Variants in ANKMY1 observed in about 807,000 individuals in gnomAD.
The protein encoded by ANKMY1 is ankyrin repeat and MYND domain containing 1.
ANKMY1 carries 98 observed loss-of-function variants against 102.0 expected under a neutral mutation model. The observed-to-expected ratio is 0.96, with a 90% CI of 0.82 to 1.14. The LOEUF is 1.14. Ranked by LOEUF, ANKMY1 falls within the 50% of genes most tolerant of loss-of-function variation. ANKMY1 has a pLI of 0.00. For synonymous variants in ANKMY1, 582 were observed against 559.9 expected, an observed-to-expected ratio of 1.04 and a Z score of -0.56; for missense variants, 1,330 against 1,347.6, an observed-to-expected ratio of 0.99 and a Z score of 0.20.
chr2:240,537,336 T>C (rs1239569170), intron 4 of ANKMY1, among the ~76,000 whole-genome samples: 1 of 152,236 alleles, frequency 6.6e-6, no homozygotes, highest in East Asian at 1.9e-4. Context: ...GTTCGTAGGA[T>C]TTCCGATACA....
intron 2 of ANKMY1, among the ~76,000 whole-genome samples, chr2:240,555,922 C>G (rs1257542948): frequency 6.6e-6 from 1 of 152,214 alleles, no homozygotes; most frequent in African/African-American, 2.4e-5. Flanking sequence ...GAGACCCCCA[C>G]AGATGGATGG....
At chr2:240,526,476 G>A in intron 5 of ANKMY1, 31 bp from the exon 6 acceptor site, 1 of 1,613,386 alleles carries the variant, frequency 6.2e-7, no homozygotes, top group Non-Finnish European at 8.5e-7. Context: ...AGTGGTCCTA[G>A]ACCAGGTTCT....
intron 15 of ANKMY1, among the ~76,000 whole-genome samples, chr2:240,484,785 T>A (rs1403570202): frequency 6.6e-6 from 1 of 151,884 alleles, no homozygotes; most frequent in African/African-American, 2.4e-5. Context: ...TGGGAGAAAA[T>A]TTTTGCAGTC....
chr2:240,537,971 G>A (rs531623828), intron 4 of ANKMY1, among the ~76,000 whole-genome samples: 1 of 152,330 alleles, frequency 6.6e-6, no homozygotes, highest in South Asian at 2.1e-4. Flanking sequence ...TCCATACATT[G>A]TCTTCCACCA....
the ANKMY1 span, among the ~76,000 whole-genome samples, chr2:240,471,675 C>G: frequency 2.1e-3 from 327 of 152,280 alleles, no homozygotes; most frequent in African/African-American, 7.7e-3. Flanking sequence ...CCACCCATTG[C>G]AACAAGAATT....
At chr2:240,502,728 C>T (rs1343978704) in intron 13 of ANKMY1, among the ~76,000 whole-genome samples, 10 of 152,128 alleles carry the variant, frequency 6.6e-5, no homozygotes, top group East Asian at 1.9e-4. Flanking sequence ...CACTCACCAA[C>T]GCTCTCCTCC....
At chr2:240,558,645 A>C (rs2092674096), upstream of ANKMY1, 1 of 152,234 alleles carries the variant, frequency 6.6e-6, no homozygotes, top group Admixed American at 6.5e-5. Flanking sequence ...AGGCTCTTGG[A>C]GGTGCAGGGC....
chr2:240,516,539 T>G (rs2081251641), intron 9 of ANKMY1, among the ~76,000 whole-genome samples: 1 of 152,266 alleles, frequency 6.6e-6, no homozygotes, highest in South Asian at 2.1e-4. Flanking sequence ...TCCTAATTAT[T>G]GTTAAGTTGT....
chr2:240,476,916 G>A (rs1023233432), downstream of ANKMY1, among the ~76,000 whole-genome samples: 2 of 152,168 alleles, frequency 1.3e-5, no homozygotes, highest in Non-Finnish European at 2.9e-5. Flanking sequence ...AAACTTCCAC[G>A]TGCAAACTGC....
intron 4 of ANKMY1, among the ~76,000 whole-genome samples, chr2:240,543,703 T>C (rs1345097989): frequency 2.0e-5 from 3 of 152,104 alleles, no homozygotes; most frequent in Non-Finnish European, 4.4e-5. Context: ...ATAAATAATC[T>C]AGATAAACTG....
chr2:240,524,074 C>T lies in ANKMY1; in HGVS notation c.1643G>A (p.Gly548Asp). 6.2e-7 allele frequency: 1 copy of T among 1,614,060 alleles called. No individual in the cohort carries two copies. Among genetic ancestry groups the T allele is most frequent in the Non-Finnish European group, 8.5e-7 (1 of 1,180,050 alleles). ...LEDVLGNTDRGSLCSAETKFE... is the reference protein window; with the variant it reads ...LEDVLGNTDRDSLCSAETKFE... Reference sequence around the variant, plus strand: ...TTTCGTCTCAGCACTGCACAGACTGCCCCGGTCTGTGTTTCCCAACACGTC... The same window carrying T: ...TTTCGTCTCAGCACTGCACAGACTGTCCCGGTCTGTGTTTCCCAACACGTC... Residue 548 changes from glycine (G) to aspartate (D), a missense_variant, in exon 8 of 18, where the codon GGC (glycine) becomes GAC (aspartate). Physicochemically the swap from Gly to Asp is moderately conservative, Grantham distance 94 (BLOSUM62 -1). Transcript: ENST00000401804.
At chr2:240,485,760 T>A (rs995571392) in intron 15 of ANKMY1, among the ~76,000 whole-genome samples, 3 of 151,964 alleles carry the variant, frequency 2.0e-5, no homozygotes, top group Non-Finnish European at 2.9e-5. Flanking sequence ...GGGCTCATTT[T>A]AAAAAAAATT....
In ANKMY1 at chr2:240,526,397, C is replaced by T; in HGVS notation, c.1002G>A (p.Gly334=). 1 of 1,614,228 alleles carries T rather than the reference C, an allele frequency of 6.2e-7. No individual in the cohort carries two copies. The highest frequency in any genetic ancestry group is 1.1e-5 in the South Asian group (1 of 91,090). The change falls in exon 6 of 18, where the codon GGG becomes GGA. Residue 334 remains glycine, a synonymous_variant. Coordinates refer to ENST00000401804, the MANE Select transcript of ANKMY1 (RefSeq NM_001282771.3). ...TSWNMGAILE[G]KRSGFAPCGP... is the part of the protein sequence containing the mutation. ...CACAGGGTGCAAAGCCACTGCGCTT[C>T]CCCTCCAGGATGGCGCCCATGTTCC...
Position 240,557,224 on chromosome 2 carries a change from C to G in ANKMY1, c.112G>C (p.Gly38Arg). The G allele has an allele frequency of 6.3e-7, 1 of 1,587,420 alleles. No individual in the cohort carries two copies. The highest frequency in any genetic ancestry group is 8.6e-7 in the Non-Finnish European group (1 of 1,165,798). ...GGETPAAEEP[G>R]SLKNYAVFAT... ...AAGACAGCGTAGTTCTTCAGGGACC[C>G]CGGCTCCTCGGCAGCAGGGGTCTCG... Residue 38 changes from glycine (G) to arginine (R), a missense_variant, in exon 2 of 18, where the codon GGG (glycine) becomes CGG (arginine). Transcript: ENST00000401804.
chr2:240,479,115 CG>C (rs556008341), downstream of ANKMY1, among the ~76,000 whole-genome samples: 121 of 152,350 alleles, frequency 7.9e-4, no homozygotes, highest in African/African-American at 2.5e-3. Context: ...CGTAAGTGCA[CG>C]GGGAACAAAC....
At chr2:240,476,589 G>T (rs1356160441), downstream of ANKMY1, among the ~76,000 whole-genome samples, 1 of 152,226 alleles carries the variant, frequency 6.6e-6, no homozygotes, top group Admixed American at 6.5e-5. Context: ...AGAGCTGCAG[G>T]TGGAGACAGC....
chr2:240,552,758 T>C (rs1459248491), intron 4 of ANKMY1, 156 bp downstream of exon 4: 11 of 1,193,728 alleles, frequency 9.2e-6, no homozygotes, highest in East Asian at 2.5e-5. Flanking sequence ...TTTCAGTCTA[T>C]ATCCTTATTA....
downstream of ANKMY1, among the ~76,000 whole-genome samples, chr2:240,475,291 T>C (rs1291040395): frequency 6.6e-6 from 1 of 152,116 alleles, no homozygotes; most frequent in African/African-American, 2.4e-5. Context: ...CCTGTTAGAA[T>C]AAATGAATTC....
chr2:240,550,607 C>T (rs1286688956), intron 4 of ANKMY1, among the ~76,000 whole-genome samples: 1 of 151,828 alleles, frequency 6.6e-6, no homozygotes, highest in Non-Finnish European at 1.5e-5. Flanking sequence ...TCCTGAAGTC[C>T]AAGAAAGACA....
Sources: allele counts gnomAD v4.1 joint callset (sites outside exome capture counted in the v4.1 genomes callset), GRCh38; gene constraint gnomAD v4.1.1; transcripts MANE v1.5; gene names NCBI Gene and HGNC (gene_info 2026-07-23, HGNC 2026-07-21).